The following GALNT1 variants were observed in gnomAD, a reference collection of about 807,000 sequenced individuals.
GALNT1 encodes GalNAc transferase 1.
In GALNT1, 17 loss-of-function variants were observed where a neutral mutation model predicts 65.7. The observed-to-expected ratio is 0.26, with a 90% CI of 0.18 to 0.39. The LOEUF (loss-of-function observed/expected upper bound fraction) is 0.39. Among genes scored for constraint, GALNT1 ranks in the 10% least tolerant of loss-of-function variants. The pLI is 1.00. For missense variants in GALNT1, 460 were observed against 672.8 expected (o/e 0.68, Z 3.50); for synonymous variants, 210 against 219.7 (o/e 0.96, Z 0.39).
chr18:35,632,669 G>A (rs538414944), intron 1 of GALNT1, among the ~76,000 whole-genome samples: 2 of 152,226 alleles, frequency 1.3e-5, no homozygotes, highest in Non-Finnish European at 2.9e-5. Flanking sequence ...AACACCAAAA[G>A]CAATGGCAAC....
In GALNT1 at chr18:35,706,861, A is replaced by ATACT. The variant is rs2048271286; in HGVS notation, c.1534-2760_1534-2757dup. On this transcript the variant is annotated intron_variant, in intron 11 of 11. Transcript: ENST00000269195. ...CTTAACAGTCTAGAAAAATAACAGA[A>ATACT]TACTTATGTCCATTATCTGTAATCT... Among the ~76,000 whole-genome samples, 5 of 152,264 alleles carry ATACT rather than the reference A, an allele frequency of 3.3e-5. No individual in the cohort carries two copies. The South Asian group carries it at 8.3e-4, about 25-fold the overall frequency.
chr18:35,646,543 C>A (rs1220542599), intron 1 of GALNT1, among the ~76,000 whole-genome samples: 1 of 152,194 alleles, frequency 6.6e-6, no homozygotes, highest in Non-Finnish European at 1.5e-5. Context: ...TGGACCTCTG[C>A]ATAGGAATGC....
rs373596233 is a variant in GALNT1 at position 35,628,834 on chromosome 18, A to G, written c.-103-25726A>G. Among the ~76,000 whole-genome samples the G allele has an allele frequency of 1.3e-4, 20 of 152,284 alleles. No individual in the cohort carries two copies. In the East Asian group the frequency reaches 3.1e-3, roughly 24 times the overall value. On this transcript the variant is annotated intron_variant, in intron 1 of 11. Coordinates refer to ENST00000269195, the MANE Select transcript of GALNT1 (RefSeq NM_020474.4). ...AAAACCTTGAAAAAAGATTAGACGAATGGCTAACTAGAATAACCAATGCAG... is the reference window on the plus strand; with the variant it reads ...AAAACCTTGAAAAAAGATTAGACGAGTGGCTAACTAGAATAACCAATGCAG...
chr18:35,633,522 C>T (rs1034692593), intron 1 of GALNT1, among the ~76,000 whole-genome samples: 4 of 131,902 alleles, frequency 3.0e-5, no homozygotes, highest in African/African-American at 1.2e-4. Context: ...GGAAGGGGGA[C>T]ATCACACACT....
chr18:35,586,643 A>G (rs992184938), intron 1 of GALNT1, among the ~76,000 whole-genome samples: 27 of 152,078 alleles, frequency 1.8e-4, no homozygotes, highest in South Asian at 8.3e-4. Flanking sequence ...GCGTGTGTCT[A>G]TGGATGTTCA....
chr18:35,697,274 T>G (rs2048074949), intron 9 of GALNT1, among the ~76,000 whole-genome samples: 1 of 152,164 alleles, frequency 6.6e-6, no homozygotes, highest in Non-Finnish European at 1.5e-5. Flanking sequence ...GAGAAAGGGT[T>G]CTTATAGCAG....
intron 11 of GALNT1, among the ~76,000 whole-genome samples, chr18:35,707,563 G>A (rs142704999): frequency 2.0e-5 from 3 of 152,232 alleles, no homozygotes; most frequent in African/African-American, 4.8e-5. Flanking sequence ...AAGTTATGGG[G>A]ATTCTGTCCT....
In GALNT1 at chr18:35,598,009, CTCCCCTCCCCTCCAA is replaced by C. The variant is rs1332711788; in HGVS notation, c.-104+16157_-104+16171del. On this transcript the variant is annotated intron_variant, in intron 1 of 11. Transcript: ENST00000269195. ...TCTAACTCCCCTCCCCTCCCCTCCC[CTCCCCTCCCCTCCAA>C]TCCCCTCCCATCCCCTCCCCTCCCT... is the stretch of plus-strand genomic sequence containing the variant. Among the ~76,000 whole-genome samples, 29 of 81,278 alleles carry C rather than the reference CTCCCCTCCCCTCCAA, an allele frequency of 3.6e-4. 4 individuals are homozygous for C. Among genetic ancestry groups the C allele is most frequent in the Admixed American group, 5.4e-4 (4 of 7,426 alleles). The allele number at this position is 81,278 out of a possible 152,430, so 53.3% of individuals were successfully genotyped here. A position where few individuals can be genotyped will look rare whatever the true frequency, so the allele number is the denominator to read the frequency against.
intron 1 of GALNT1, among the ~76,000 whole-genome samples, chr18:35,651,850 A>G (rs187986626): frequency 2.6e-5 from 4 of 152,326 alleles, no homozygotes; most frequent in East Asian, 3.9e-4. Flanking sequence ...CTTACCTGCA[A>G]TGGGTCGTGC....
chr18:35,707,511 T>C (rs2048283165), intron 11 of GALNT1, among the ~76,000 whole-genome samples: 1 of 152,214 alleles, frequency 6.6e-6, no homozygotes, highest in Non-Finnish European at 1.5e-5. Context: ...AACAGGGTTC[T>C]CCACCAGAGT....
intron 1 of GALNT1, among the ~76,000 whole-genome samples, chr18:35,631,738 A>G (rs1197949401): frequency 2.6e-5 from 4 of 152,196 alleles, no homozygotes; most frequent in Admixed American, 1.3e-4. Flanking sequence ...AATAAAGGGT[A>G]TTCAATTAGG....
intron 1 of GALNT1, among the ~76,000 whole-genome samples, chr18:35,634,347 C>T (rs1265531992): frequency 6.6e-6 from 1 of 152,170 alleles, no homozygotes; most frequent in East Asian, 1.9e-4. Flanking sequence ...TTAATAGACA[C>T]TGATTTCTGT....
chr18:35,652,342 T>C (rs1006396767), intron 1 of GALNT1, among the ~76,000 whole-genome samples: 2 of 152,216 alleles, frequency 1.3e-5, no homozygotes, highest in Non-Finnish European at 2.9e-5. Context: ...TACTCCTTCC[T>C]TCCTCTGACT....
chr18:35,607,765 C>T (rs568250725), intron 1 of GALNT1, among the ~76,000 whole-genome samples: 16 of 152,202 alleles, frequency 1.1e-4, no homozygotes, highest in African/African-American at 3.9e-4. Context: ...TGCTACAGTC[C>T]TTTTTAGACA....
intron 1 of GALNT1, among the ~76,000 whole-genome samples, chr18:35,588,336 G>A (rs1316235216): frequency 2.0e-5 from 3 of 152,100 alleles, no homozygotes; most frequent in Admixed American, 6.6e-5. Flanking sequence ...GAAAGGAATC[G>A]TTTTTCTCTC....
Position 35,683,431 on chromosome 18 carries a change from A to G in GALNT1, c.522A>G (p.Leu174=). The G allele has an allele frequency of 6.2e-7, 1 of 1,613,668 alleles. No individual in the cohort carries two copies. Among genetic ancestry groups the G allele is most frequent in the Non-Finnish European group, 8.5e-7 (1 of 1,179,762 alleles). The change falls in exon 5 of 12, where the codon CTA becomes CTG. Residue 174 remains leucine, a synonymous_variant. Transcript: ENST00000269195. ...KRPLESYVKK[L]KVPVHVIRME... is the part of the protein sequence containing the mutation. ...CTTTAGAGAGTTATGTGAAAAAACT[A>G]AAAGTACCAGTTCATGTAATTCGAA...
At chr18:35,598,724 T>C (rs2046538088) in intron 1 of GALNT1, among the ~76,000 whole-genome samples, 1 of 152,210 alleles carries the variant, frequency 6.6e-6, no homozygotes, top group Admixed American at 6.5e-5. Context: ...TATACTGATT[T>C]CCTTTCTTTT....
chr18:35,656,308 A>G (rs1328774120), intron 2 of GALNT1, among the ~76,000 whole-genome samples: 4 of 152,236 alleles, frequency 2.6e-5, no homozygotes, highest in African/African-American at 9.6e-5. Context: ...GCAAGGTACT[A>G]GGTGCTGTTG....
At chr18:35,609,748 A>G (rs2046693437) in intron 1 of GALNT1, among the ~76,000 whole-genome samples, 1 of 152,228 alleles carries the variant, frequency 6.6e-6, no homozygotes, top group Non-Finnish European at 1.5e-5. Context: ...TTTAAAAAAT[A>G]TTGATTGTAA....
Sources: allele counts gnomAD v4.1 joint callset (sites outside exome capture counted in the v4.1 genomes callset), GRCh38; gene constraint gnomAD v4.1.1; transcripts MANE v1.5; gene names NCBI Gene and HGNC (gene_info 2026-07-23, HGNC 2026-07-21).